Variants in CC2D1B observed in about 807,000 individuals in gnomAD.
CC2D1B encodes the protein coiled-coil and C2 domain-containing protein 1B.
CC2D1B carries 92 observed loss-of-function variants against 110.8 expected under a neutral mutation model. The ratio of observed to expected loss-of-function variants is 0.83; its 90% confidence interval spans 0.70 to 0.99. The LOEUF (loss-of-function observed/expected upper bound fraction) is 0.99. CC2D1B is among the 50% of genes least tolerant of loss of function. The pLI is 0.00. For missense variants in CC2D1B, 1,136 were observed against 1,089.0 expected (o/e 1.04, Z -0.61); for synonymous variants, 406 against 429.2 (o/e 0.95, Z 0.67).
At chr1:52,353,942 G>A in intron 23 of CC2D1B, 1 of 314,058 alleles carries the variant, frequency 3.2e-6, no homozygotes. Flanking sequence ...GCTTGAAGAA[G>A]CAGCCTTCCA....
intron 1 of CC2D1B, among the ~76,000 whole-genome samples, chr1:52,365,852 C>A (rs1172352547): frequency 6.6e-6 from 1 of 152,146 alleles, no homozygotes; most frequent in African/African-American, 2.4e-5. Flanking sequence ...GGAGTGACTC[C>A]GGCTCAGGTG....
rs1300158878 is a variant in CC2D1B, at chr1:52,362,678, C to T, written c.138G>A (p.Glu46=). The change falls in exon 3 of 25, where the codon GAG becomes GAA. Residue 46 remains glutamate (E), a synonymous_variant. Transcript: ENST00000284376. Reference sequence around the variant, plus strand: ...GAGCCAGCAGCTCAGCCTCCAGGTCCTCATCATCTTCAGCCTCATCCATGC... The same window carrying T: ...GAGCCAGCAGCTCAGCCTCCAGGTCTTCATCATCTTCAGCCTCATCCATGC... The part of the protein sequence containing the change: ...LLGMDEAEDD[E]DLEAELLALT... 14 of 1,614,064 alleles carry T rather than the reference C, an allele frequency of 8.7e-6. No individual in the cohort carries two copies. Among genetic ancestry groups the T allele is most frequent in the African/African-American group, 1.3e-5 (1 of 74,920 alleles).
At position 52,358,350 on chromosome 1, in the gene CC2D1B, G is replaced by T. The variant is rs201403934; in HGVS notation, c.1442C>A (p.Ala481Asp). The T allele has an allele frequency of 1.2e-6, 2 of 1,614,054 alleles. No individual in the cohort carries two copies. Among genetic ancestry groups the T allele is most frequent in the South Asian group, 2.2e-5 (2 of 91,068 alleles). Residue 481 changes from alanine (A) to aspartate (D), a missense_variant, in exon 13 of 25, where the codon GCT becomes GAT. Ala to Asp is a moderately radical substitution (Grantham distance 126). Transcript: ENST00000284376. ...CCAAACCTCGTCCTCGTCTTTATCA[G>T]CCGGGGCTGAATCCTCTGCAGAGGC... is the stretch of plus-strand genomic sequence containing the variant. ...KLASAEDSAPADKDEDEGEPP... is the reference protein window; with the variant it reads ...KLASAEDSAPDDKDEDEGEPP...
intron 23 of CC2D1B, 108 bp from the exon 24 acceptor site, chr1:52,353,755 G>A (rs1646579329): frequency 1.3e-6 from 1 of 754,760 alleles, no homozygotes. Context: ...ATGTCCTGTG[G>A]CATGAACACA....
rs1453828097 is a variant in CC2D1B, at chr1:52,362,616, G to T, written c.200C>A (p.Ala67Glu). 6.2e-7 allele frequency: 1 copy of T among 1,614,054 alleles called. No individual in the cohort carries two copies. The highest frequency in any genetic ancestry group is 1.3e-5 in the African/African-American group (1 of 74,922). ...GEAQTTGKKPAPKGQAPLPMA... is the reference protein window; with the variant it reads ...GEAQTTGKKPEPKGQAPLPMA... The stretch of plus-strand genomic sequence containing the variant: ...TCCAAACTCACCCTGCCCCTTGGGT[G>T]CTGGCTTCTTGCCTGTGGTTTGTGC... The change falls in exon 3 of 25, where the codon GCA becomes GAA. Residue 67 changes from alanine to glutamate, a missense_variant. Ala to Glu is a moderately radical substitution (Grantham distance 107). Coordinates refer to ENST00000284376, the MANE Select transcript of CC2D1B (RefSeq NM_001330585.2).
In CC2D1B at chr1:52,358,339, C is replaced by T. The variant is rs1200924002; in HGVS notation, c.1453G>A (p.Glu485Lys). 6.2e-6 allele frequency: 10 copies of T among 1,613,754 alleles called. No homozygotes were observed. Among genetic ancestry groups the T allele is most frequent in the East Asian group, 2.2e-5 (1 of 44,886 alleles). ...AEDSAPADKD[E>K]DEGEPPAQAP... The stretch of plus-strand genomic sequence containing the variant: ...TGAGCCCTCAACCAAACCTCGTCCT[C>T]GTCTTTATCAGCCGGGGCTGAATCC... Residue 485 changes from glutamate to lysine, a missense_variant, in exon 13 of 25, where the codon GAG (glutamate) becomes AAG (lysine). Coordinates refer to ENST00000284376, the MANE Select transcript of CC2D1B (RefSeq NM_001330585.2).
intron 13 of CC2D1B, 56 bp from the exon 14 acceptor site, chr1:52,357,954 C>T (rs762283027): frequency 1.7e-5 from 26 of 1,515,528 alleles, no homozygotes; most frequent in South Asian, 9.4e-5. Context: ...ATAGTCATGG[C>T]GGCTCCCAGA....
At position 52,358,382 on chromosome 1, in the gene CC2D1B, C is replaced by T. The variant is rs1241898157; in HGVS notation, c.1410G>A (p.Glu470=). Residue 470 remains glutamate, a synonymous_variant, in exon 13 of 25, where the codon GAG becomes GAA. Transcript: ENST00000284376. ...DAVAATLAAA[E]KLASAEDSAP... is the part of the protein sequence containing the mutation. ...CTGAATCCTCTGCAGAGGCCAGTTT[C>T]TCTGCAGCTGCCAATGTCGCTGCCA... The T allele has an allele frequency of 3.1e-6, 5 of 1,614,042 alleles. No homozygotes were observed. The African/African-American group carries it at 6.7e-5, about 22-fold the overall frequency.
chr1:52,353,386 T>A, intron 24 of CC2D1B, 132 bp downstream of exon 24: 2 of 1,519,020 alleles, frequency 1.3e-6, no homozygotes, highest in South Asian at 2.7e-5. Context: ...ACTCAGCCCA[T>A]AAGCCCTACC....
At chr1:52,358,077 C>T (rs1646693716) in intron 13 of CC2D1B, 179 bp from the exon 14 acceptor site, 2 of 987,366 alleles carry the variant, frequency 2.0e-6, no homozygotes, top group Non-Finnish European at 1.4e-6. Context: ...GAAGCTCTCA[C>T]ATCTAACCTC....
At chr1:52,358,974 C>T (rs1646715530) in intron 11 of CC2D1B, 53 bp downstream of exon 11, 1 of 1,590,770 alleles carries the variant, frequency 6.3e-7, no homozygotes, top group Admixed American at 1.7e-5. Context: ...AGACAGAGCA[C>T]CCAGCCAGGG....
intron 23 of CC2D1B, 58 bp from the exon 24 acceptor site, chr1:52,353,705 A>G: frequency 3.9e-6 from 5 of 1,282,030 alleles, no homozygotes; most frequent in Non-Finnish European, 5.5e-6. Context: ...GGGAGCAGGC[A>G]GGTCCCTACA....
At position 52,353,569 on chromosome 1, in the gene CC2D1B, C is replaced by T. The variant is rs1311073910; in HGVS notation, c.2509G>A (p.Val837Met). 3 of 1,614,110 alleles carry T rather than the reference C, an allele frequency of 1.9e-6. No homozygotes were observed. Among genetic ancestry groups the T allele is most frequent in the East Asian group, 2.2e-5 (1 of 44,878 alleles). Residue 837 changes from valine (V) to methionine (M), a missense_variant, in exon 24 of 25, where the codon GTG becomes ATG. Val to Met is a conservative substitution (Grantham distance 21). Coordinates refer to ENST00000284376, the MANE Select transcript of CC2D1B (RefSeq NM_001330585.2). ...RLREPLSGQD[V>M]QMVTENWLVL... is the part of the protein sequence containing the mutation. ...AGCCAGTTCTCAGTGACCATCTGCA[C>T]ATCCTGGCCACTCAGAGGCTCCCGC...
intron 5 of CC2D1B, 135 bp downstream of exon 5, chr1:52,360,839 T>C: frequency 8.6e-7 from 1 of 1,160,734 alleles, no homozygotes; most frequent in South Asian, 1.5e-5. Flanking sequence ...GTGCTCAGTT[T>C]CTGCTTGGGG....
In CC2D1B at chr1:52,358,779, G is replaced by A. The variant is rs561056184; in HGVS notation, c.1258-21C>T. On this transcript the variant is annotated intron_variant, in intron 11 of 24. Coordinates refer to ENST00000284376, the MANE Select transcript of CC2D1B (RefSeq NM_001330585.2). ...TATTGCTGCAAGGGAAGGAAGGGAGGGGCCTGTGGTCGGCAGCAGCCCACA... is the reference window on the plus strand; with the variant it reads ...TATTGCTGCAAGGGAAGGAAGGGAGAGGCCTGTGGTCGGCAGCAGCCCACA... 7.3e-5 allele frequency: 116 copies of A among 1,596,028 alleles called. No homozygotes were observed. The South Asian group carries it at 1.2e-3, about 17-fold the overall frequency.
chr1:52,357,937 C>T, intron 13 of CC2D1B, 39 bp from the exon 14 acceptor site: 1 of 1,523,378 alleles, frequency 6.6e-7, no homozygotes, highest in African/African-American at 1.4e-5. Flanking sequence ...GGGATGTGTT[C>T]CCTAGCATAG....
chr1:52,357,555 G>C lies in CC2D1B; in HGVS notation c.1723C>G (p.Arg575Gly), dbSNP rs745401046. The part of the protein sequence containing the change: ...KWLEAQIIQA[R>G]SGRPVDLSKV... ...GACAGATCAACAGGTCTGCCAGATC[G>C]GGCCTGGATGATCTGAGCCTCAAGC... Residue 575 changes from arginine (R) to glycine (G), a missense_variant, in exon 15 of 25, where the codon CGA (arginine) becomes GGA (glycine). By Grantham distance (125) the Arg-to-Gly change is moderately radical. Transcript: ENST00000284376. 1.6e-5 allele frequency: 25 copies of C among 1,581,626 alleles called. No homozygotes were observed. The highest frequency in any genetic ancestry group is 2.1e-5 in the Non-Finnish European group (24 of 1,162,530).
In CC2D1B at chr1:52,358,458, A is replaced by G. The variant is rs1040310514; in HGVS notation, c.1334T>C (p.Phe445Ser). The G allele has an allele frequency of 3.7e-6, 6 of 1,613,698 alleles. No individual in the cohort carries two copies. Among genetic ancestry groups the G allele is most frequent in the African/African-American group, 1.3e-5 (1 of 75,006 alleles). Residue 445 changes from phenylalanine to serine, a missense_variant, in exon 13 of 25, where the codon TTT becomes TCT. By Grantham distance (155) the Phe-to-Ser change is radical (BLOSUM62 -2). Transcript: ENST00000284376. ...GGACTCCAGGCCAGGGATGGGGGGA[A>G]ATCCTGTGGGAGAGAGACAGCATGG... ...NFAELPVPPGFPPIPGLESTM... is the reference protein window; with the variant it reads ...NFAELPVPPGSPPIPGLESTM...
chr1:52,363,793 G>T (rs1172096054), intron 2 of CC2D1B, among the ~76,000 whole-genome samples: 1 of 151,364 alleles, frequency 6.6e-6, no homozygotes, highest in East Asian at 2.0e-4. Flanking sequence ...CGATTCTCCT[G>T]CCTCAGCCTC....
Sources: allele counts gnomAD v4.1 joint callset (sites outside exome capture counted in the v4.1 genomes callset), GRCh38; gene constraint gnomAD v4.1.1; transcripts MANE v1.5; gene names NCBI Gene and HGNC (gene_info 2026-07-23, HGNC 2026-07-21).